The following MPZL1 variants were observed in gnomAD, a reference collection of about 807,000 sequenced individuals.
MPZL1 encodes myelin protein zero-like protein 1.
A neutral mutation model predicts 29.3 loss-of-function variants in MPZL1; 16 were observed. The ratio of observed to expected loss-of-function variants is 0.55; its 90% CI spans 0.37 to 0.83. The LOEUF (loss-of-function observed/expected upper bound fraction) is 0.83, where lower values mean the gene tolerates loss of function less well. Among genes scored for constraint, MPZL1 ranks in the 40% least tolerant of loss-of-function variants. The probability of loss-of-function intolerance (pLI) is 0.00; values close to 1 mark genes in which losing one functional copy is unlikely to be tolerated. For missense variants in MPZL1, 279 were observed against 332.9 expected (o/e 0.84, Z 1.26); for synonymous variants, 143 against 132.0 (o/e 1.08, Z -0.57).
intron 1 of MPZL1, among the ~76,000 whole-genome samples, chr1:167,739,644 C>T (rs1445686005): frequency 6.6e-6 from 1 of 152,062 alleles, no homozygotes; most frequent in Admixed American, 6.6e-5. Flanking sequence ...AGAGAAGCCC[C>T]AGGGAGCCTG....
At chr1:167,743,511 A>G (rs1188912782) in intron 1 of MPZL1, among the ~76,000 whole-genome samples, 2 of 150,748 alleles carry the variant, frequency 1.3e-5, no homozygotes, top group Admixed American at 6.6e-5. Context: ...TGGCCTTCGC[A>G]ATATTAATTC....
At chr1:167,722,637 G>A (rs1368101185) in intron 1 of MPZL1, among the ~76,000 whole-genome samples, 1 of 152,224 alleles carries the variant, frequency 6.6e-6, no homozygotes, top group African/African-American at 2.4e-5. Context: ...AGGAACTAGG[G>A]TTCTGGCGTT....
chr1:167,739,456 C>T (rs1050829262), intron 1 of MPZL1, among the ~76,000 whole-genome samples: 1 of 151,330 alleles, frequency 6.6e-6, no homozygotes, highest in Non-Finnish European at 1.5e-5. Flanking sequence ...TGTTACCATG[C>T]TTTGTTGGTT....
chr1:167,749,307 T>C (rs956672593), intron 1 of MPZL1, among the ~76,000 whole-genome samples: 1 of 152,238 alleles, frequency 6.6e-6, no homozygotes, highest in East Asian at 1.9e-4. Flanking sequence ...CATGTGTTCT[T>C]TTACTCTTTT....
At chr1:167,785,782 G>T (rs898694560) in intron 5 of MPZL1, among the ~76,000 whole-genome samples, 2 of 152,136 alleles carry the variant, frequency 1.3e-5, no homozygotes, top group Non-Finnish European at 2.9e-5. Context: ...TCTGTTCCTA[G>T]TAGAAAACAG....
At chr1:167,776,037 T>C in intron 4 of MPZL1, 27 bp from the exon 5 acceptor site, 1 of 1,462,582 alleles carries the variant, frequency 6.8e-7, no homozygotes, top group Non-Finnish European at 9.3e-7. Flanking sequence ...TTTTTTACAT[T>C]TGTTCTTCAA....
At chr1:167,737,138 T>C (rs1325416260) in intron 1 of MPZL1, among the ~76,000 whole-genome samples, 3 of 152,214 alleles carry the variant, frequency 2.0e-5, no homozygotes, top group Non-Finnish European at 2.9e-5. Flanking sequence ...TTTATATGAT[T>C]GTCTCCCCAA....
rs550199492 is a variant in MPZL1, at chr1:167,743,355, C to T, written c.91+21113C>T. On this transcript the variant is annotated intron_variant, in intron 1 of 5. Transcript: ENST00000359523. ...CCTCCCAAGTAGCTGGGACTACAGG[C>T]GCACATCACGCCCAGCTAATTTTTG... is the stretch of plus-strand genomic sequence containing the variant. Among the ~76,000 whole-genome samples, 10 of 151,912 alleles carry T rather than the reference C, an allele frequency of 6.6e-5. No homozygotes were observed. The South Asian group carries it at 1.7e-3, about 25-fold the overall frequency.
chr1:167,761,544 T>G (rs1249701733), intron 1 of MPZL1, among the ~76,000 whole-genome samples: 1 of 152,106 alleles, frequency 6.6e-6, no homozygotes, highest in Non-Finnish European at 1.5e-5. Flanking sequence ...TTCTGTTTTC[T>G]CGGTGAAATA....
At chr1:167,722,391 C>G (rs1264946987) in intron 1 of MPZL1, 149 bp downstream of exon 1, 3 of 1,210,260 alleles carry the variant, frequency 2.5e-6, no homozygotes, top group Non-Finnish European at 3.1e-6. Context: ...CCGAGGGGAC[C>G]CAGCCCATGG....
intron 1 of MPZL1, among the ~76,000 whole-genome samples, chr1:167,747,697 G>A (rs1660673717): frequency 6.6e-6 from 1 of 152,092 alleles, no homozygotes; most frequent in Admixed American, 6.5e-5. Flanking sequence ...AAATCTATAA[G>A]TGATAGCATC....
chr1:167,788,527 A>G lies in MPZL1; in HGVS notation c.*606A>G, dbSNP rs1189492924. 1 of 152,432 alleles carries G rather than the reference A, an allele frequency of 6.6e-6. No individual in the cohort carries two copies. The highest frequency in any genetic ancestry group is 1.5e-5 in the Non-Finnish European group (1 of 68,218). 9.4% of individuals were successfully genotyped at this position (152,432 alleles called of 1,614,324 possible). On this transcript the variant is annotated 3_prime_UTR_variant, in exon 6 of 6. Transcript: ENST00000359523. ...AATATGGGGCAATTGTTAGCCTTAC[A>G]TGTTGTGTAGACTTACTTTAAGTTT...
Position 167,779,752 on chromosome 1 carries a change from G to A in MPZL1, c.708+3586G>A, listed in dbSNP as rs140048480. Among the ~76,000 whole-genome samples, 1,063 of 152,222 alleles carry A rather than the reference G, an allele frequency of 7.0e-3. 11 individuals are homozygous for A. The highest frequency in any genetic ancestry group is 0.024 in the African/African-American group (1,011 of 41,512). The stretch of plus-strand genomic sequence containing the variant: ...TTATCCATGAAATTATAATTTGAAG[G>A]TAGACTGTGGTAAGTTAAAGATATA... On this transcript the variant is annotated intron_variant, in intron 5 of 5. Transcript: ENST00000359523.
chr1:167,737,095 A>T (rs1660392871), intron 1 of MPZL1, among the ~76,000 whole-genome samples: 1 of 152,194 alleles, frequency 6.6e-6, no homozygotes, highest in Admixed American at 6.5e-5. Flanking sequence ...TTTGCCTCTA[A>T]GCTTCCTCTA....
intron 1 of MPZL1, among the ~76,000 whole-genome samples, chr1:167,755,785 C>T (rs1265007748): frequency 6.6e-6 from 1 of 152,264 alleles, no homozygotes; most frequent in South Asian, 2.1e-4. Flanking sequence ...CTTCTGCAGC[C>T]GCACTGTAGA....
intron 5 of MPZL1, among the ~76,000 whole-genome samples, chr1:167,779,584 C>CAA (rs111502777): frequency 4.5e-5 from 6 of 133,820 alleles, no homozygotes; most frequent in African/African-American, 1.4e-4. Flanking sequence ...GACTCCATCT[C>CAA]AAAAAAAAAA....
At chr1:167,742,489 T>C (rs10918757) in intron 1 of MPZL1, among the ~76,000 whole-genome samples, 113,253 of 151,914 alleles carry the variant, frequency 0.75, 42,798 homozygotes, top group African/African-American at 0.84. Flanking sequence ...AGGGAATTTC[T>C]TAAGGAGTCC....
At chr1:167,762,063 G>T (rs1661001701) in intron 1 of MPZL1, among the ~76,000 whole-genome samples, 1 of 152,168 alleles carries the variant, frequency 6.6e-6, no homozygotes, top group Non-Finnish European at 1.5e-5. Context: ...ATTCTGGAGT[G>T]GGTGCAGGTA....
At chr1:167,753,693 G>GAGTTAC in intron 1 of MPZL1, among the ~76,000 whole-genome samples, 1 of 151,744 alleles carries the variant, frequency 6.6e-6, no homozygotes, top group Non-Finnish European at 1.5e-5. Flanking sequence ...GCAGCGGTGC[G>GAGTTAC]ATCTCGGCTC....
Sources: gnomAD v4.1 joint callset for allele counts (sites outside exome capture counted in the v4.1 genomes callset) on GRCh38, gnomAD v4.1.1 for gene constraint, MANE v1.5 for transcripts, NCBI Gene and HGNC (gene_info 2026-07-23, HGNC 2026-07-21) for gene names.